RNH1: variants seen among roughly 807,000 people sequenced by gnomAD.
RNH1 encodes ribonuclease inhibitor.
RNH1 carries 38 observed loss-of-function variants against 46.1 expected under a neutral mutation model. The observed-to-expected ratio is 0.82, with a 90% confidence interval of 0.64 to 1.08. The LOEUF (loss-of-function observed/expected upper bound fraction) is 1.08, where lower values mean the gene tolerates loss of function less well. RNH1 is among the 50% of genes least tolerant of loss of function. The pLI is 0.00. For missense variants in RNH1, 577 were observed against 590.7 expected (o/e 0.98, Z 0.24); for synonymous variants, 319 against 279.1 (o/e 1.14, Z -1.43).
At chr11:500,891 G>A (rs1849691000) in intron 3 of RNH1, 1 of 612,514 alleles carries the variant, frequency 1.6e-6, no homozygotes, top group Non-Finnish European at 3.0e-6. Flanking sequence ...CACTTTGGGA[G>A]GCCGAGGCAG....
chr11:505,456 TG>T (rs1850184767), intron 1 of RNH1: 1 of 152,172 alleles, frequency 6.6e-6, no homozygotes, highest in African/African-American at 2.4e-5. Context: ...TGGAAGAAGG[TG>T]GCCTCTAGAA....
At chr11:498,367 T>A in intron 8 of RNH1, 90 bp downstream of exon 8, 1 of 1,513,776 alleles carries the variant, frequency 6.6e-7, no homozygotes, top group South Asian at 1.2e-5. Context: ...CCCAGCAGCT[T>A]CCCTGGAGTC....
chr11:495,100 C>T lies in RNH1; in HGVS notation c.1128-47G>A, dbSNP rs779339807. The T allele has an allele frequency of 2.5e-4, 398 of 1,565,442 alleles. 2 individuals are homozygous for T. Among genetic ancestry groups the T allele is most frequent in the Non-Finnish European group, 2.5e-4 (290 of 1,155,684 alleles). ...TCAGGGTGCCGGGCGTGCCTGGCACCGCACTGACCGGCAGAGCAGGCCTGG... is the reference window on the plus strand; with the variant it reads ...TCAGGGTGCCGGGCGTGCCTGGCACTGCACTGACCGGCAGAGCAGGCCTGG... On this transcript the variant is annotated intron_variant, in intron 9 of 10. Coordinates refer to ENST00000354420, the MANE Select transcript of RNH1 (RefSeq NM_203387.3).
In RNH1 at chr11:503,803, G is replaced by C. The variant is rs374150405; in HGVS notation, c.-88+1021C>G. On this transcript the variant is annotated intron_variant, in intron 2 of 10. Transcript: ENST00000354420. Reference sequence around the variant, plus strand: ...GCTCCCGTGACCATCTGCAACTAGCGCTGCGGGAGTAGCCCCGTCCCTACC... The same window carrying C: ...GCTCCCGTGACCATCTGCAACTAGCCCTGCGGGAGTAGCCCCGTCCCTACC... 5.3e-5 allele frequency among the ~76,000 whole-genome samples: 8 copies of C among 152,250 alleles called. No homozygotes were observed. The East Asian group carries it at 1.5e-3, about 29-fold the overall frequency.
At position 500,820 on chromosome 11, in the gene RNH1, A is replaced by T. The variant is rs540848632; in HGVS notation, c.102-166T>A. The T allele has an allele frequency of 1.1e-4, 99 of 872,160 alleles. No homozygotes were observed. The South Asian group carries it at 1.4e-3, about 12-fold the overall frequency. 54.0% of individuals were successfully genotyped at this position (872,160 alleles called of 1,614,324 possible). On this transcript the variant is annotated intron_variant, in intron 3 of 10. Coordinates refer to ENST00000354420, the MANE Select transcript of RNH1 (RefSeq NM_203387.3). ...AACAAAAAGGAGGAACTGTTCCATG[A>T]AAGTTTTGTTTAAGATGCTCGCACG...
In RNH1 at chr11:498,996, C is replaced by G; in HGVS notation, c.614+19G>C. 6.2e-7 allele frequency: 1 copy of G among 1,612,686 alleles called. No individual in the cohort carries two copies. On this transcript the variant is annotated intron_variant, in intron 6 of 10. Transcript: ENST00000354420. ...CCCCCTAGCCCACACCCCGCACCCC[C>G]CCAAGGCCCAGTGCCTACTTGAGCG...
chr11:499,984 G>A lies in RNH1; in HGVS notation c.288C>T (p.Cys96=), dbSNP rs1044142291. Residue 96 remains cysteine (C), a synonymous_variant, in exon 5 of 11, where the codon TGC becomes TGT. Transcript: ENST00000354420. ...KIQKLSLQNC[C]LTGAGCGVLS... is the part of the protein sequence containing the mutation. ...GGACCCCGCAGCCGGCCCCCGTCAG[G>A]CAGCAGTTCTGGAGGCTGGAGCATA... 8.2e-6 allele frequency: 13 copies of A among 1,577,180 alleles called. No homozygotes were observed. Among genetic ancestry groups the A allele is most frequent in the Non-Finnish European group, 9.5e-6 (11 of 1,163,156 alleles).
chr11:504,412 G>GC (rs1850058093), intron 2 of RNH1: 1 of 153,632 alleles, frequency 6.5e-6, no homozygotes, highest in Admixed American at 6.5e-5. Flanking sequence ...CGCCCGCTCC[G>GC]CCCGGGACGC....
At chr11:498,315 A>T in intron 8 of RNH1, 142 bp downstream of exon 8, 1 of 1,280,340 alleles carries the variant, frequency 7.8e-7, no homozygotes, top group East Asian at 2.5e-5. Context: ...ATCAAACCAC[A>T]GGCTGCTCCC....
chr11:496,742 CAG>C (rs998375852), intron 9 of RNH1, among the ~76,000 whole-genome samples: 5 of 152,242 alleles, frequency 3.3e-5, no homozygotes, highest in African/African-American at 7.2e-5. Flanking sequence ...AAGGACAGAA[CAG>C]GGGCACAAGA....
Position 499,188 on chromosome 11 carries a change from G to C in RNH1, c.444-3C>G, listed in dbSNP as rs1849481876. On this transcript the variant is annotated splice_region_variant and splice_polypyrimidine_tract_variant and intron_variant, in intron 5 of 10. Transcript: ENST00000354420. ...CCGAGAGGCTGCAATACTCCAGCCT[G>C]GGGGACAGCAGAGCTCAGCACCACA... is the stretch of plus-strand genomic sequence containing the variant. The C allele has an allele frequency of 6.2e-7, 1 of 1,611,680 alleles. No individual in the cohort carries two copies.
Position 501,744 on chromosome 11 carries a change from C to T in RNH1, c.101+318G>A, listed in dbSNP as rs1246042860. ...GCCCCATGGAGGCTCACGGAGGGGACCCAAGCTGTGTCCTGCCCTCGTGTC... is the reference window on the plus strand; with the variant it reads ...GCCCCATGGAGGCTCACGGAGGGGATCCAAGCTGTGTCCTGCCCTCGTGTC... On this transcript the variant is annotated intron_variant, in intron 3 of 10. Transcript: ENST00000354420. The surrounding 1 kb of genome is among the most constrained non-coding windows in gnomAD (Gnocchi z 4.1). The T allele has an allele frequency of 2.7e-6, 1 of 366,838 alleles. No individual in the cohort carries two copies. Among genetic ancestry groups the T allele is most frequent in the South Asian group, 4.0e-5 (1 of 25,004 alleles). 22.7% of individuals were successfully genotyped at this position (366,838 alleles called of 1,614,324 possible).
Position 501,296 on chromosome 11 carries a change from A to C in RNH1, c.102-642T>G, listed in dbSNP as rs1849730758. On this transcript the variant is annotated intron_variant, in intron 3 of 10. Transcript: ENST00000354420. This position sits in a 1 kb window ranked among gnomAD's most constrained non-coding sequence, Gnocchi z 4.1. Reference sequence around the variant, plus strand: ...AAACTGTAGGACTTCAACCACAAGAAACCACCAGACAAGCCCCAACAGAGG... The same window carrying C: ...AAACTGTAGGACTTCAACCACAAGACACCACCAGACAAGCCCCAACAGAGG... 5.6e-6 allele frequency: 1 copy of C among 179,978 alleles called. No homozygotes were observed. Among genetic ancestry groups the C allele is most frequent in the African/African-American group, 2.4e-5 (1 of 41,904 alleles). 11.1% of individuals were successfully genotyped at this position (179,978 alleles called of 1,614,324 possible).
Position 498,451 on chromosome 11 carries a change from A to T in RNH1, c.956+6T>A, listed in dbSNP as rs999326770. 1 of 1,611,646 alleles carries T rather than the reference A, an allele frequency of 6.2e-7. No homozygotes were observed. Among genetic ancestry groups the T allele is most frequent in the Non-Finnish European group, 8.5e-7 (1 of 1,179,896 alleles). ...GACAGGGCCCTGCCCCGACAGCCAC[A>T]CTCACCACAGCGACTCCAGCTGGCA... On this transcript the variant is annotated splice_donor_region_variant and intron_variant, in intron 8 of 10. Coordinates refer to ENST00000354420, the MANE Select transcript of RNH1 (RefSeq NM_203387.3).
In RNH1 at chr11:501,927, C is replaced by T; in HGVS notation, c.101+135G>A. 1.6e-6 allele frequency: 1 copy of T among 624,504 alleles called. No homozygotes were observed. Among genetic ancestry groups the T allele is most frequent in the South Asian group, 1.8e-5 (1 of 55,472 alleles). The allele number at this position is 624,504 out of a possible 1,614,324, so 38.7% of individuals were successfully genotyped here. A position where few individuals can be genotyped will look rare whatever the true frequency, so the allele number is the denominator to read the frequency against. ...AGAAACACAAGAATCACATCTCATG[C>T]ACGTGGTAGCTGCACAGAATTCATA... On this transcript the variant is annotated intron_variant, in intron 3 of 10. Transcript: ENST00000354420. This position sits in a 1 kb window ranked among gnomAD's most constrained non-coding sequence, Gnocchi z 4.1.
intron 9 of RNH1, among the ~76,000 whole-genome samples, chr11:496,341 C>T (rs746993606): frequency 6.6e-6 from 1 of 152,190 alleles, no homozygotes; most frequent in Non-Finnish European, 1.5e-5. Context: ...CAAGACCAGC[C>T]TGCCCAACAT....
intron 1 of RNH1, chr11:505,423 G>A (rs1589764487): frequency 6.6e-6 from 1 of 152,196 alleles, no homozygotes. Flanking sequence ...GAGTTCTTAT[G>A]CAGAGACAGT....
In RNH1 at chr11:499,057, C is replaced by G; in HGVS notation, c.572G>C (p.Cys191Ser). ...GCAGGGGGAGTCCTTCAGGCCCTGG[C>G]ACAGCACACGGACGCCAGCCTCATT... ...DINEAGVRVL[C>S]QGLKDSPCQL... The change falls in exon 6 of 11, where the codon TGC becomes TCC. Residue 191 changes from cysteine (C) to serine (S), a missense_variant. Cys to Ser is a moderately radical substitution (Grantham distance 112, BLOSUM62 -1). Coordinates refer to ENST00000354420, the MANE Select transcript of RNH1 (RefSeq NM_203387.3). The G allele has an allele frequency of 6.2e-7, 1 of 1,613,362 alleles. No homozygotes were observed. Among genetic ancestry groups the G allele is most frequent in the Non-Finnish European group, 8.5e-7 (1 of 1,179,946 alleles).
At position 499,878 on chromosome 11, in the gene RNH1, G is replaced by A. The variant is rs748179830; in HGVS notation, c.394C>T (p.Leu132=). The change falls in exon 5 of 11, where the codon CTG becomes TTG. Residue 132 remains leucine, a synonymous_variant. Transcript: ENST00000354420. ...GGGTCCAGGAGTCCTTCGCAGAGCA[G>A]CTGCAGGCCCGCATCCCCCAAGAGG... ...DNLLGDAGLQ[L]LCEGLLDPQC... is the part of the protein sequence containing the mutation. The A allele has an allele frequency of 3.1e-6, 5 of 1,613,056 alleles. No homozygotes were observed. In the African/African-American group the frequency reaches 6.7e-5, roughly 22 times the overall value.
Sources: gnomAD v4.1 joint callset for allele counts (sites outside exome capture counted in the v4.1 genomes callset) on GRCh38, gnomAD v4.1.1 for gene constraint, Gnocchi (gnomAD v3.1) non-coding constraint, MANE v1.5 for transcripts, NCBI Gene and HGNC (gene_info 2026-07-23, HGNC 2026-07-21) for gene names.